Variants in NTS observed in about 807,000 individuals in gnomAD.
NTS encodes neurotensin/neuromedin N.
In NTS, 20 loss-of-function variants were observed where a neutral mutation model predicts 19.5. The ratio of observed to expected loss-of-function variants is 1.02; its 90% CI spans 0.72 to 1.49. The LOEUF is 1.49. NTS is among the 40% of genes most tolerant of loss of function. The pLI is 0.00. For synonymous variants in NTS, 71 were observed against 63.3 expected (o/e 1.12, Z -0.58); for missense variants, 215 against 193.1 (o/e 1.11, Z -0.67).
In NTS at chr12:85,882,475, C is replaced by A; in HGVS notation, c.*100C>A. On this transcript the variant is annotated 3_prime_UTR_variant, in exon 4 of 4. Coordinates refer to ENST00000256010, the MANE Select transcript of NTS (RefSeq NM_006183.5). The stretch of plus-strand genomic sequence containing the variant: ...AAATGTGACAAACACACTTATCTGT[C>A]TCTTCTACAATTGTGGTTTATTGAA... 1 of 937,426 alleles carries A rather than the reference C, an allele frequency of 1.1e-6. No homozygotes were observed. Among genetic ancestry groups the A allele is most frequent in the Non-Finnish European group, 1.6e-6 (1 of 627,212 alleles). 58.1% of individuals were successfully genotyped at this position (937,426 alleles called of 1,614,324 possible).
intron 3 of NTS, among the ~76,000 whole-genome samples, chr12:85,880,041 G>A (rs1026751241): frequency 6.0e-5 from 9 of 149,736 alleles, no homozygotes; most frequent in Non-Finnish European, 1.0e-4. Flanking sequence ...GTTTTATCTG[G>A]AACCTTTTGT....
chr12:85,878,650 C>G, intron 3 of NTS, 81 bp downstream of exon 3: 1 of 794,618 alleles, frequency 1.3e-6, no homozygotes, highest in Non-Finnish European at 1.8e-6. Context: ...AATTCCCAAT[C>G]ATAATCATAA....
At chr12:85,881,292 A>T (rs1034601710) in intron 3 of NTS, among the ~76,000 whole-genome samples, 1 of 152,164 alleles carries the variant, frequency 6.6e-6, no homozygotes, top group Non-Finnish European at 1.5e-5. Flanking sequence ...TTTTATTCAT[A>T]TGCATTGCAA....
At chr12:85,877,372 C>T (rs868659124) in intron 2 of NTS, among the ~76,000 whole-genome samples, 1 of 150,950 alleles carries the variant, frequency 6.6e-6, no homozygotes, top group African/African-American at 2.4e-5. Flanking sequence ...TAAATTCTCC[C>T]TATAACAAAC....
chr12:85,880,907 A>C (rs980363645), intron 3 of NTS, among the ~76,000 whole-genome samples: 3 of 152,136 alleles, frequency 2.0e-5, no homozygotes, highest in African/African-American at 7.2e-5. Context: ...AGCTGAGATC[A>C]CGGCACTGCA....
Position 85,882,539 on chromosome 12 carries a change from T to A in NTS, c.*164T>A. On this transcript the variant is annotated 3_prime_UTR_variant, in exon 4 of 4. Transcript: ENST00000256010. ...CACTAATATAAATTAGACTAAGTGT[T>A]TTCAAATAAATCTAAATCTTCAGCA... 1 of 548,018 alleles carries A rather than the reference T, an allele frequency of 1.8e-6. No homozygotes were observed. Among genetic ancestry groups the A allele is most frequent in the Admixed American group, 3.6e-5 (1 of 27,574 alleles). The allele number at this position is 548,018 out of a possible 1,614,324, so 33.9% of individuals were successfully genotyped here. A position where few individuals can be genotyped will look rare whatever the true frequency, so the allele number is the denominator to read the frequency against.
chr12:85,882,899 A>T lies in NTS; in HGVS notation c.*524A>T, dbSNP rs1448978672. ...AAGATTGATTAATGAACTATTGTTA[A>T]TTCTTCCTATTTTAATGAATGACAT... On this transcript the variant is annotated 3_prime_UTR_variant, in exon 4 of 4. Coordinates refer to ENST00000256010, the MANE Select transcript of NTS (RefSeq NM_006183.5). 6.6e-6 allele frequency: 1 copy of T among 152,086 alleles called. No homozygotes were observed. The highest frequency in any genetic ancestry group is 2.4e-5 in the African/African-American group (1 of 41,452). 9.4% of individuals were successfully genotyped at this position (152,086 alleles called of 1,614,324 possible). A position where few individuals can be genotyped will look rare whatever the true frequency, so the allele number is the denominator to read the frequency against.
In NTS at chr12:85,882,378, G is replaced by T; in HGVS notation, c.*3G>T. On this transcript the variant is annotated 3_prime_UTR_variant, in exon 4 of 4. Coordinates refer to ENST00000256010, the MANE Select transcript of NTS (RefSeq NM_006183.5). ...AAAGAGATTCTTACTATTACTGAGA[G>T]AATAAATCATTTATTTACATGTGAT... 6.5e-7 allele frequency: 1 copy of T among 1,534,928 alleles called. No homozygotes were observed. Among genetic ancestry groups the T allele is most frequent in the South Asian group, 1.2e-5 (1 of 80,166 alleles).
Position 85,878,413 on chromosome 12 carries a change from G to A in NTS, c.204G>A (p.Leu68=), listed in dbSNP as rs759223603. The A allele has an allele frequency of 1.6e-5, 26 of 1,613,390 alleles. No individual in the cohort carries two copies. The South Asian group carries it at 2.6e-4, about 16-fold the overall frequency. ...ATGTTTGCAGTCTTGTAAATAATTT[G>A]AACAGCCCAGCTGAGGAAACAGGAG... ...LLNVCSLVNN[L]NSPAEETGEV... Residue 68 remains leucine, a synonymous_variant, in exon 3 of 4, where the codon TTG becomes TTA. Transcript: ENST00000256010.
At chr12:85,876,597 TATG>T (rs1311705132) in intron 1 of NTS, 40 bp from the exon 2 acceptor site, 4 of 1,129,206 alleles carry the variant, frequency 3.5e-6, no homozygotes, top group Non-Finnish European at 5.2e-6. Context: ...GATATAATTA[TATG>T]ATATGTAATT....
chr12:85,880,893 A>T (rs1327012302), intron 3 of NTS, among the ~76,000 whole-genome samples: 5 of 152,158 alleles, frequency 3.3e-5, no homozygotes, highest in Admixed American at 6.5e-5. Flanking sequence ...TGGAGCTTGC[A>T]GTGAGCTGAG....
intron 1 of NTS, 68 bp downstream of exon 1, chr12:85,874,544 CTTATG>C: frequency 9.2e-7 from 1 of 1,092,598 alleles, no homozygotes; most frequent in Admixed American, 1.7e-5. Context: ...TGTGTTGCTA[CTTATG>C]TTAATGTATC....
Position 85,882,341 on chromosome 12 carries a change from C to A in NTS, c.479C>A (p.Pro160His), listed in dbSNP as rs1881520071. The stretch of plus-strand genomic sequence containing the variant: ...CTGTATGAGAATAAACCCAGAAGAC[C>A]CTACATACTCAAAAGAGATTCTTAC... ...RQLYENKPRR[P>H]YILKRDSYYY Residue 160 changes from proline to histidine, a missense_variant, in exon 4 of 4, where the codon CCC becomes CAC. By Grantham distance (77) the Pro-to-His change is moderately conservative (BLOSUM62 -2). Transcript: ENST00000256010. 6.3e-7 allele frequency: 1 copy of A among 1,590,862 alleles called. No homozygotes were observed. Among genetic ancestry groups the A allele is most frequent in the South Asian group, 1.2e-5 (1 of 86,326 alleles).
Position 85,882,862 on chromosome 12 carries a change from A to T in NTS, c.*487A>T, listed in dbSNP as rs1190636028. The T allele has an allele frequency of 6.6e-6, 1 of 151,422 alleles. No homozygotes were observed. Among genetic ancestry groups the T allele is most frequent in the Non-Finnish European group, 1.5e-5 (1 of 67,548 alleles). 9.4% of individuals were successfully genotyped at this position (151,422 alleles called of 1,614,324 possible). On this transcript the variant is annotated 3_prime_UTR_variant, in exon 4 of 4. Transcript: ENST00000256010. Reference sequence around the variant, plus strand: ...ATAGGAAAAGTTATTGTGATAAAATAGGAACAGCTGAAAGATTGATTAATG... The same window carrying T: ...ATAGGAAAAGTTATTGTGATAAAATTGGAACAGCTGAAAGATTGATTAATG...
At chr12:85,875,017 C>T (rs1019363516) in intron 1 of NTS, among the ~76,000 whole-genome samples, 1 of 152,008 alleles carries the variant, frequency 6.6e-6, no homozygotes, top group African/African-American at 2.4e-5. Flanking sequence ...TAGAAAAATA[C>T]AAAAATATTC....
chr12:85,880,935 G>GA (rs1295558565), intron 3 of NTS, among the ~76,000 whole-genome samples: 2 of 152,158 alleles, frequency 1.3e-5, no homozygotes, highest in Non-Finnish European at 2.9e-5. Context: ...CTGGGCGACA[G>GA]AGCGAGACTC....
intron 2 of NTS, among the ~76,000 whole-genome samples, chr12:85,876,970 G>T (rs1393020164): frequency 6.6e-6 from 1 of 152,060 alleles, no homozygotes; most frequent in East Asian, 1.9e-4. Flanking sequence ...GTTTTTAAAG[G>T]AACTTGCTTC....
intron 1 of NTS, 84 bp from the exon 2 acceptor site, chr12:85,876,556 T>C (rs915487792): frequency 2.7e-5 from 21 of 770,160 alleles, no homozygotes; most frequent in Admixed American, 1.4e-4. Flanking sequence ...CTAAGATTTT[T>C]TTTTAGATTA....
At chr12:85,878,233 T>C in intron 2 of NTS, 112 bp from the exon 3 acceptor site, 2 of 709,128 alleles carry the variant, frequency 2.8e-6, no homozygotes, top group South Asian at 2.0e-5. Context: ...CTATATTTAT[T>C]AGACTGGAGT....
Sources: gnomAD v4.1 joint callset for allele counts (sites outside exome capture counted in the v4.1 genomes callset) on GRCh38, gnomAD v4.1.1 for gene constraint, MANE v1.5 for transcripts, NCBI Gene and HGNC (gene_info 2026-07-23, HGNC 2026-07-21) for gene names.